Variants in UBE3D observed in about 807,000 individuals in gnomAD.
The protein encoded by UBE3D is ubiquitin protein ligase E3D.
Under a neutral mutation model 49.6 loss-of-function variants are expected in UBE3D, and 48 were observed. The ratio of observed to expected loss-of-function variants is 0.97; its 90% CI spans 0.77 to 1.23. UBE3D has a LOEUF of 1.23. UBE3D is among the 50% of genes most tolerant of loss of function. UBE3D has a pLI of 0.00. For synonymous variants in UBE3D, 189 were observed against 174.2 expected, an observed-to-expected ratio of 1.08 and a Z score of -0.67; for missense variants, 452 against 468.4, an observed-to-expected ratio of 0.96 and a Z score of 0.32.
intron 8 of UBE3D, among the ~76,000 whole-genome samples, chr6:83,007,236 C>T (rs1303822952): frequency 6.6e-6 from 1 of 151,994 alleles, no homozygotes; most frequent in African/African-American, 2.4e-5. Context: ...ATCATTTTTC[C>T]TTCAATATAT....
chr6:83,026,836 C>A (rs1781495996), intron 5 of UBE3D, among the ~76,000 whole-genome samples: 7 of 152,030 alleles, frequency 4.6e-5, no homozygotes. Context: ...GCACTACAGG[C>A]ATGCACCACT....
chr6:83,025,402 C>T (rs1392714169), intron 5 of UBE3D, among the ~76,000 whole-genome samples: 1 of 151,430 alleles, frequency 6.6e-6, no homozygotes, highest in Admixed American at 6.6e-5. Flanking sequence ...AGTTTAATCT[C>T]ACTAACGATG....
At position 83,057,908 on chromosome 6, in the gene UBE3D, TA is replaced by T; in HGVS notation, c.191del (p.Val64AspfsTer26). On this transcript the variant is annotated frameshift_variant, in exon 2 of 10. Coordinates refer to ENST00000369747, the MANE Select transcript of UBE3D (RefSeq NM_198920.3). LOFTEE classifies it high-confidence loss of function. ...EIQLPAEVRL[V>X]PSSCRGLQFV... is the part of the protein sequence containing the mutation. ...ACTGTAGCCCACGGCAAGAGGAAGG[TA>T]CAAGCCTGACCTCTGCTGGAAGCTG... is the stretch of plus-strand genomic sequence containing the variant. The T allele has an allele frequency of 1.2e-6, 2 of 1,614,128 alleles. No homozygotes were observed. Among genetic ancestry groups the T allele is most frequent in the African/African-American group, 2.7e-5 (2 of 75,026 alleles).
intron 8 of UBE3D, among the ~76,000 whole-genome samples, chr6:82,973,199 T>C (rs563755949): frequency 4.8e-4 from 73 of 152,310 alleles, no homozygotes; most frequent in African/African-American, 1.7e-3. Flanking sequence ...AATTCATTTC[T>C]AGCAACTTGG....
At chr6:83,032,220 A>C (rs1271674476) in intron 5 of UBE3D, 1 of 456,232 alleles carries the variant, frequency 2.2e-6, no homozygotes, top group South Asian at 1.5e-5. Flanking sequence ...CAGCCCATGA[A>C]AGAAGCTGGG....
At chr6:82,939,971 C>A (rs928891999) in intron 9 of UBE3D, among the ~76,000 whole-genome samples, 1 of 152,210 alleles carries the variant, frequency 6.6e-6, no homozygotes, top group Non-Finnish European at 1.5e-5. Context: ...CTACAGAAAG[C>A]ACAGAAACTG....
chr6:82,912,306 C>T (rs537201701), intron 9 of UBE3D, among the ~76,000 whole-genome samples: 1 of 152,046 alleles, frequency 6.6e-6, no homozygotes, highest in East Asian at 1.9e-4. Context: ...TTATTCTATG[C>T]TTTTTTTCTT....
At chr6:82,967,918 C>G (rs757798505) in intron 8 of UBE3D, among the ~76,000 whole-genome samples, 7 of 152,174 alleles carry the variant, frequency 4.6e-5, no homozygotes, top group Non-Finnish European at 1.0e-4. Flanking sequence ...GGTGCAATTA[C>G]AGGCTACTCA....
chr6:82,987,244 C>T (rs1197805559), intron 8 of UBE3D, among the ~76,000 whole-genome samples: 1 of 152,084 alleles, frequency 6.6e-6, no homozygotes, highest in African/African-American at 2.4e-5. Flanking sequence ...GAACTCCTGG[C>T]CTCAAGTAAT....
chr6:82,933,006 T>G (rs541017701), intron 9 of UBE3D, among the ~76,000 whole-genome samples: 15 of 152,106 alleles, frequency 9.9e-5, no homozygotes, highest in Non-Finnish European at 2.1e-4. Flanking sequence ...ATTTTGTGTA[T>G]CCAGGGTCAA....
At chr6:82,975,325 T>C (rs1777637220) in intron 8 of UBE3D, among the ~76,000 whole-genome samples, 1 of 152,146 alleles carries the variant, frequency 6.6e-6, no homozygotes, top group Non-Finnish European at 1.5e-5. Context: ...AATATTTTGA[T>C]AAGTTTTAAA....
intron 9 of UBE3D, among the ~76,000 whole-genome samples, chr6:82,909,353 A>G (rs980418400): frequency 6.6e-6 from 1 of 152,194 alleles, no homozygotes; most frequent in Non-Finnish European, 1.5e-5. Context: ...GAACTGTATA[A>G]CATTAGCCTT....
At chr6:83,031,286 G>A (rs1781850578) in intron 5 of UBE3D, among the ~76,000 whole-genome samples, 6 of 152,216 alleles carry the variant, frequency 3.9e-5, no homozygotes. Flanking sequence ...TGGGATTACA[G>A]GCATGAGCTA....
chr6:83,046,672 C>CGGT (rs1554211624), intron 3 of UBE3D, among the ~76,000 whole-genome samples: 1 of 105,054 alleles, frequency 9.5e-6, no homozygotes, highest in Non-Finnish European at 1.8e-5. Flanking sequence ...TTGCAGTTGG[C>CGGT]GGGGGGGGTG....
intron 9 of UBE3D, among the ~76,000 whole-genome samples, chr6:82,918,055 G>T (rs1001758828): frequency 2.0e-5 from 3 of 151,830 alleles, no homozygotes; most frequent in Non-Finnish European, 4.4e-5. Flanking sequence ...TGCTAAATTT[G>T]TCTCTTGGCC....
At chr6:82,881,050 T>A in the UBE3D span, among the ~76,000 whole-genome samples, 4 of 152,186 alleles carry the variant, frequency 2.6e-5, no homozygotes, top group Non-Finnish European at 2.9e-5. Flanking sequence ...CACCTCCTAA[T>A]ACCATCTCAT....
chr6:83,058,830 G>C (rs1212420229), intron 1 of UBE3D, among the ~76,000 whole-genome samples: 5 of 152,188 alleles, frequency 3.3e-5, no homozygotes, highest in African/African-American at 1.2e-4. Context: ...CCTTTTCAAA[G>C]CATATGGATC....
At chr6:82,941,116 G>C (rs909155139) in intron 9 of UBE3D, among the ~76,000 whole-genome samples, 57 of 152,090 alleles carry the variant, frequency 3.7e-4, no homozygotes, top group Admixed American at 3.7e-3. Flanking sequence ...TGAGGCAGGA[G>C]AATTGCTTGA....
At chr6:82,903,096 C>A (rs540821484) in intron 9 of UBE3D, among the ~76,000 whole-genome samples, 1 of 151,888 alleles carries the variant, frequency 6.6e-6, no homozygotes, top group East Asian at 1.9e-4. Context: ...CTTTAATTGA[C>A]GAAGGAATCC....
Sources: gnomAD v4.1 joint callset for allele counts (sites outside exome capture counted in the v4.1 genomes callset) on GRCh38, gnomAD v4.1.1 for gene constraint, MANE v1.5 for transcripts, NCBI Gene and HGNC (gene_info 2026-07-23, HGNC 2026-07-21) for gene names.